Variants in ITGA8 observed in about 807,000 individuals in gnomAD.
ITGA8 encodes integrin subunit alpha 8.
In ITGA8, 91 loss-of-function variants were observed where a neutral mutation model predicts 142.3. The observed-to-expected ratio is 0.64, with a 90% confidence interval of 0.54 to 0.76. The LOEUF is 0.76. Ranked by LOEUF, ITGA8 falls within the 30% of genes least tolerant of loss-of-function variation. The probability of loss-of-function intolerance (pLI) is 0.00; values close to 1 mark genes in which losing one functional copy is unlikely to be tolerated. For synonymous variants in ITGA8, 505 were observed against 485.2 expected, an observed-to-expected ratio of 1.04 and a Z score of -0.54; for missense variants, 1,406 against 1,327.7, an observed-to-expected ratio of 1.06 and a Z score of -0.92.
intron 26 of ITGA8, among the ~76,000 whole-genome samples, chr10:15,552,870 AATG>A (rs145650077): frequency 0.038 from 5,827 of 152,272 alleles, 356 homozygotes; most frequent in African/African-American, 0.13. Context: ...GCTTTTTAAA[AATG>A]ATAACATGCA....
intron 2 of ITGA8, among the ~76,000 whole-genome samples, chr10:15,700,721 G>T (rs1835146753): frequency 6.6e-6 from 1 of 151,860 alleles, no homozygotes; most frequent in Admixed American, 6.6e-5. Flanking sequence ...AAATCAGCAA[G>T]AAAAAAACAA....
chr10:15,599,995 G>T (rs1037372), intron 20 of ITGA8, among the ~76,000 whole-genome samples: 118,072 of 152,194 alleles, frequency 0.78, 45,910 homozygotes, highest in South Asian at 0.88. Flanking sequence ...AACTTGCTTC[G>T]GCTACATAAT....
At chr10:15,594,466 A>G (rs1043072819) in intron 21 of ITGA8, among the ~76,000 whole-genome samples, 3 of 152,060 alleles carry the variant, frequency 2.0e-5, no homozygotes, top group African/African-American at 7.2e-5. Context: ...AGAACCTGGC[A>G]TATAGAAGCA....
chr10:15,613,117 T>C, intron 15 of ITGA8, among the ~76,000 whole-genome samples: 1 of 151,990 alleles, frequency 6.6e-6, no homozygotes, highest in East Asian at 1.9e-4. Flanking sequence ...GCCAAGATTG[T>C]GCCACTGCCC....
At chr10:15,592,021 T>A (rs531615569) in intron 22 of ITGA8, among the ~76,000 whole-genome samples, 7 of 152,296 alleles carry the variant, frequency 4.6e-5, no homozygotes, top group African/African-American at 1.4e-4. Context: ...TTGGTCTGTA[T>A]AATTCAATCT....
chr10:15,624,516 C>A (rs10904602), intron 13 of ITGA8, among the ~76,000 whole-genome samples: 1 of 152,068 alleles, frequency 6.6e-6, no homozygotes, highest in Non-Finnish European at 1.5e-5. Context: ...TGTGCCTCCA[C>A]TGAGAGACAG....
intron 2 of ITGA8, among the ~76,000 whole-genome samples, chr10:15,716,670 A>ATTTTTTTTTTTT (rs796458374): frequency 7.4e-6 from 1 of 135,082 alleles, no homozygotes; most frequent in African/African-American, 2.8e-5. Context: ...AACCTATTGT[A>ATTTTTTTTTTTT]TTTTTTTTTT....
At chr10:15,692,328 T>C (rs988667264) in intron 2 of ITGA8, among the ~76,000 whole-genome samples, 5 of 152,146 alleles carry the variant, frequency 3.3e-5, no homozygotes, top group African/African-American at 1.2e-4. Flanking sequence ...ATGACTCCCA[T>C]TAGATAAATA....
chr10:15,533,412 G>A (rs978781598), intron 27 of ITGA8, among the ~76,000 whole-genome samples: 2 of 152,112 alleles, frequency 1.3e-5, no homozygotes, highest in Admixed American at 6.6e-5. Flanking sequence ...TGTTTGAGAA[G>A]GGTTTTTATA....
intron 25 of ITGA8, among the ~76,000 whole-genome samples, chr10:15,561,985 G>A (rs764108127): frequency 6.6e-6 from 1 of 152,182 alleles, no homozygotes; most frequent in Non-Finnish European, 1.5e-5. Flanking sequence ...GGAAATACCA[G>A]ACACTTATAA....
chr10:15,615,816 A>T (rs114573650), intron 14 of ITGA8, among the ~76,000 whole-genome samples: 212 of 152,204 alleles, frequency 1.4e-3, no homozygotes, highest in Middle Eastern at 6.8e-3. Context: ...GTCCTGCCAT[A>T]AAACTTTTTT....
At chr10:15,640,990 C>T (rs971352217) in intron 13 of ITGA8, among the ~76,000 whole-genome samples, 33 of 152,182 alleles carry the variant, frequency 2.2e-4, no homozygotes, top group African/African-American at 6.3e-4. Context: ...TCTTCCCAGT[C>T]GCTGGACAAC....
chr10:15,582,592 C>G (rs984045939), intron 23 of ITGA8, among the ~76,000 whole-genome samples: 1 of 152,150 alleles, frequency 6.6e-6, no homozygotes, highest in Admixed American at 6.5e-5. Context: ...AATAAGGAGA[C>G]AGAAAACCCA....
At chr10:15,671,785 C>A in intron 7 of ITGA8, 138 bp from the exon 8 acceptor site, 2 of 520,118 alleles carry the variant, frequency 3.8e-6, no homozygotes, top group Non-Finnish European at 3.3e-6. Context: ...GTTAAAGATT[C>A]TATAAAGGGA....
chr10:15,615,809 C>T (rs187203975), intron 14 of ITGA8, among the ~76,000 whole-genome samples: 26 of 152,268 alleles, frequency 1.7e-4, no homozygotes, highest in Admixed American at 6.5e-4. Flanking sequence ...GCACCGTGTC[C>T]TGCCATAAAA....
At chr10:15,664,761 G>A (rs1346569103) in intron 8 of ITGA8, among the ~76,000 whole-genome samples, 2 of 147,442 alleles carry the variant, frequency 1.4e-5, no homozygotes, top group African/African-American at 5.0e-5. Flanking sequence ...GTGAGAACAT[G>A]CAGTGTTTGG....
chr10:15,712,726 C>A (rs1835384889), intron 2 of ITGA8, among the ~76,000 whole-genome samples: 1 of 152,220 alleles, frequency 6.6e-6, no homozygotes, highest in Non-Finnish European at 1.5e-5. Flanking sequence ...ATGCAATTCC[C>A]AGATACAAGA....
intron 23 of ITGA8, among the ~76,000 whole-genome samples, chr10:15,578,818 G>C (rs1302583119): frequency 6.6e-6 from 1 of 152,028 alleles, no homozygotes; most frequent in Non-Finnish European, 1.5e-5. Context: ...AGTGTATGTG[G>C]TGCTGTCTCT....
intron 2 of ITGA8, among the ~76,000 whole-genome samples, chr10:15,714,207 C>A (rs1835410927): frequency 6.6e-6 from 1 of 152,192 alleles, no homozygotes. Flanking sequence ...GATGACAGTC[C>A]ATTTCATTGT....
Sources: gnomAD v4.1 joint callset for allele counts (sites outside exome capture counted in the v4.1 genomes callset) on GRCh38, gnomAD v4.1.1 for gene constraint, MANE v1.5 for transcripts, NCBI Gene and HGNC (gene_info 2026-07-23, HGNC 2026-07-21) for gene names.